ARHGAP29: variants seen among roughly 807,000 people sequenced by gnomAD.
ARHGAP29 encodes the protein Rho GTPase activating protein 29.
Under a neutral mutation model 122.6 loss-of-function variants are expected in ARHGAP29, and 43 were observed. The ratio of observed to expected loss-of-function variants is 0.35; its 90% CI spans 0.27 to 0.45. The LOEUF is 0.45. ARHGAP29 is among the 20% of genes least tolerant of loss of function. The pLI, the probability that ARHGAP29 is intolerant of heterozygous loss-of-function variation, is 1.00. For synonymous variants in ARHGAP29, 506 were observed against 497.1 expected, an observed-to-expected ratio of 1.02 and a Z score of -0.24; for missense variants, 1,303 against 1,477.2, an observed-to-expected ratio of 0.88 and a Z score of 1.93.
chr1:94,180,212 T>C (rs1187087415), intron 19 of ARHGAP29, among the ~76,000 whole-genome samples: 1 of 152,166 alleles, frequency 6.6e-6, no homozygotes, highest in Non-Finnish European at 1.5e-5. Context: ...AGCTGCATGA[T>C]GGAATTTTAC....
Position 94,172,612 on chromosome 1 carries a change from G to GATATATATATAT in ARHGAP29, c.*1245_*1256dup, listed in dbSNP as rs55712972. 94 of 145,070 alleles carry GATATATATATAT rather than the reference G, an allele frequency of 6.5e-4. No individual in the cohort carries two copies. The highest frequency in any genetic ancestry group is 3.8e-3 in the East Asian group (19 of 4,998). The allele number at this position is 145,070 out of a possible 1,614,324, so 9.0% of individuals were successfully genotyped here. ...GGAACATGAAATAATTTAACAAGTT[G>GATATATATATAT]ATATATATATATATATATATTATCA... On this transcript the variant is annotated 3_prime_UTR_variant, in exon 23 of 23. Coordinates refer to ENST00000260526, the MANE Select transcript of ARHGAP29 (RefSeq NM_004815.4).
intron 7 of ARHGAP29, among the ~76,000 whole-genome samples, chr1:94,204,779 A>G (rs1651088753): frequency 6.6e-6 from 1 of 152,166 alleles, no homozygotes; most frequent in South Asian, 2.1e-4. Flanking sequence ...TCTCCTGACC[A>G]TATTATCTGA....
Position 94,173,599 on chromosome 1 carries a change from G to T in ARHGAP29, c.*270C>A. 1 of 335,732 alleles carries T rather than the reference G, an allele frequency of 3.0e-6. No individual in the cohort carries two copies. The highest frequency in any genetic ancestry group is 5.4e-6 in the Non-Finnish European group (1 of 184,212). The allele number at this position is 335,732 out of a possible 1,614,324, so 20.8% of individuals were successfully genotyped here. A position where few individuals can be genotyped will look rare whatever the true frequency, so the allele number is the denominator to read the frequency against. ...GACCATTTGGTGGGGAAAGTCAACT[G>T]AACTTTAAAAAATACGAATCCACCT... On this transcript the variant is annotated 3_prime_UTR_variant, in exon 23 of 23. Coordinates refer to ENST00000260526, the MANE Select transcript of ARHGAP29 (RefSeq NM_004815.4).
chr1:94,237,754 G>A (rs1359650332), upstream of ARHGAP29: 3 of 985,228 alleles, frequency 3.0e-6, no homozygotes, highest in African/African-American at 5.2e-5. Context: ...AGTTGCGCGC[G>A]GCCGGACGCT....
intron 14 of ARHGAP29, 124 bp downstream of exon 14, chr1:94,189,092 A>G (rs1388358684): frequency 7.3e-7 from 1 of 1,378,774 alleles, no homozygotes; most frequent in African/African-American, 1.5e-5. Flanking sequence ...ACTGTGAATA[A>G]GATCTCATAA....
chr1:94,260,429 G>T (rs140508053), intron 1 of ARHGAP29, among the ~76,000 whole-genome samples: 6 of 152,250 alleles, frequency 3.9e-5, no homozygotes, highest in African/African-American at 1.2e-4. Flanking sequence ...AAGAAAGCTG[G>T]TCACAAGCTC....
At chr1:94,291,779 C>T in the ARHGAP29 span, among the ~76,000 whole-genome samples, 1 of 152,114 alleles carries the variant, frequency 6.6e-6, no homozygotes, top group Non-Finnish European at 1.5e-5. Context: ...GAATATTGGC[C>T]CCCACTCTCT....
At chr1:94,202,325 A>G (rs1650897492) in intron 11 of ARHGAP29, 1 of 614,214 alleles carries the variant, frequency 1.6e-6, no homozygotes, top group Non-Finnish European at 2.8e-6. Flanking sequence ...GTCTCAGCAT[A>G]GTGGTTCTCA....
the ARHGAP29 span, among the ~76,000 whole-genome samples, chr1:94,286,284 A>G: frequency 6.6e-6 from 1 of 152,202 alleles, no homozygotes; most frequent in African/African-American, 2.4e-5. Context: ...GCCTAAAAAT[A>G]CAGTCACATT....
At chr1:94,303,208 A>G in the ARHGAP29 span, among the ~76,000 whole-genome samples, 1 of 152,322 alleles carries the variant, frequency 6.6e-6, no homozygotes, top group East Asian at 1.9e-4. Context: ...TAACATTAAT[A>G]AATTCCCGTG....
chr1:94,268,910 T>TTGTA (rs917411213), intron 1 of ARHGAP29, among the ~76,000 whole-genome samples: 1 of 152,118 alleles, frequency 6.6e-6, no homozygotes, highest in African/African-American at 2.4e-5. Flanking sequence ...GTGACTATTT[T>TTGTA]TGTATGTATG....
intron 5 of ARHGAP29, among the ~76,000 whole-genome samples, chr1:94,208,553 G>A (rs950118503): frequency 6.6e-6 from 1 of 150,782 alleles, no homozygotes; most frequent in Admixed American, 6.6e-5. Flanking sequence ...TCCGCCTCCC[G>A]GGTTCGAGCA....
At chr1:94,201,471 CCCTT>C (rs1371519998) in intron 12 of ARHGAP29, among the ~76,000 whole-genome samples, 1 of 151,332 alleles carries the variant, frequency 6.6e-6, no homozygotes, top group African/African-American at 2.4e-5. Context: ...CTTCCTCCCT[CCCTT>C]CTTTCCTCCC....
At chr1:94,263,108 C>T (rs769450050) in intron 1 of ARHGAP29, among the ~76,000 whole-genome samples, 30 of 152,114 alleles carry the variant, frequency 2.0e-4, no homozygotes, top group Non-Finnish European at 3.8e-4. Context: ...ATGGATGGAG[C>T]TGAAGGCCAT....
the ARHGAP29 span, among the ~76,000 whole-genome samples, chr1:94,283,948 C>A: frequency 6.6e-6 from 1 of 152,100 alleles, no homozygotes; most frequent in Non-Finnish European, 1.5e-5. Context: ...GAAAAATGGT[C>A]TTGTACTCAG....
chr1:94,226,435 A>G (rs1652615185), intron 2 of ARHGAP29, among the ~76,000 whole-genome samples: 1 of 152,026 alleles, frequency 6.6e-6, no homozygotes, highest in Admixed American at 6.5e-5. Context: ...AAGAAGATAA[A>G]TAACTTGCCC....
rs756372971 is a variant in ARHGAP29 at position 94,209,453 on chromosome 1, T to C, written c.341-103A>G. The C allele has an allele frequency of 3.5e-5, 22 of 626,662 alleles. No homozygotes were observed. In the Admixed American group the frequency reaches 6.9e-4, roughly 20 times the overall value. The allele number at this position is 626,662 out of a possible 1,614,324, so 38.8% of individuals were successfully genotyped here. Reference sequence around the variant, plus strand: ...ACTTCATCATTAGTTCAAGAAGCATTAGAAGATTCAGAAATTGAAAAGCCT... The same window carrying C: ...ACTTCATCATTAGTTCAAGAAGCATCAGAAGATTCAGAAATTGAAAAGCCT... On this transcript the variant is annotated intron_variant, in intron 3 of 22. Transcript: ENST00000260526.
At chr1:94,253,669 C>T (rs1016389928) in intron 1 of ARHGAP29, among the ~76,000 whole-genome samples, 1 of 149,498 alleles carries the variant, frequency 6.7e-6, no homozygotes, top group African/African-American at 2.5e-5. Context: ...CGCACGCACG[C>T]ACATGCACAC....
chr1:94,293,348 T>A, the ARHGAP29 span, among the ~76,000 whole-genome samples: 4 of 152,204 alleles, frequency 2.6e-5, no homozygotes, highest in African/African-American at 7.2e-5. Flanking sequence ...GCACAGTAAT[T>A]GGCCAGAAGT....
Sources: allele counts gnomAD v4.1 joint callset (sites outside exome capture counted in the v4.1 genomes callset), GRCh38; gene constraint gnomAD v4.1.1; transcripts MANE v1.5; gene names NCBI Gene and HGNC (gene_info 2026-07-23, HGNC 2026-07-21).